The following ARID5B variants were observed in gnomAD, a reference collection of about 807,000 sequenced individuals.
ARID5B encodes the protein AT-rich interactive domain-containing protein 5B.
Under a neutral mutation model 97.2 loss-of-function variants are expected in ARID5B, and 13 were observed. The ratio of observed to expected loss-of-function variants is 0.13; its 90% confidence interval spans 0.09 to 0.21. The LOEUF is 0.21. Ranked by LOEUF, ARID5B falls within the 10% of genes least tolerant of loss-of-function variation. The probability of loss-of-function intolerance (pLI) is 1.00; values close to 1 mark genes in which losing one functional copy is unlikely to be tolerated. For missense variants in ARID5B, 1,210 were observed against 1,465.3 expected (o/e 0.83, Z 2.84); for synonymous variants, 556 against 570.3 (o/e 0.97, Z 0.36).
chr10:62,037,664 T>A (rs920875803), intron 4 of ARID5B, among the ~76,000 whole-genome samples: 2 of 152,198 alleles, frequency 1.3e-5, no homozygotes, highest in East Asian at 1.9e-4. Flanking sequence ...CCTTCTTTAT[T>A]ATTTTTCTTA....
At chr10:62,009,794 G>T (rs554755572) in intron 4 of ARID5B, among the ~76,000 whole-genome samples, 13 of 152,322 alleles carry the variant, frequency 8.5e-5, no homozygotes, top group African/African-American at 2.9e-4. Context: ...CAAACCGTAG[G>T]TGCCACCGGA....
At chr10:61,938,545 T>C (rs1406170674) in intron 2 of ARID5B, among the ~76,000 whole-genome samples, 3 of 152,186 alleles carry the variant, frequency 2.0e-5, no homozygotes, top group African/African-American at 7.2e-5. Flanking sequence ...AGCTATAAAA[T>C]GCATGACAAC....
At chr10:62,016,150 G>A (rs780108473) in intron 4 of ARID5B, among the ~76,000 whole-genome samples, 4 of 152,140 alleles carry the variant, frequency 2.6e-5, no homozygotes, top group Admixed American at 1.3e-4. Flanking sequence ...TACAACCCAC[G>A]GGCCATGTGC....
At chr10:62,057,027 A>G (rs527919186) in intron 5 of ARID5B, 90 bp from the exon 6 acceptor site, 1 of 1,262,736 alleles carries the variant, frequency 7.9e-7, no homozygotes, top group African/African-American at 1.5e-5. Context: ...GCACTCACTG[A>G]AAAGTGTTGC....
intron 4 of ARID5B, among the ~76,000 whole-genome samples, chr10:62,018,748 G>T (rs1025491224): frequency 6.6e-6 from 1 of 151,756 alleles, no homozygotes; most frequent in Non-Finnish European, 1.5e-5. Context: ...ATTAATGAAA[G>T]TTGGCTGGTT....
chr10:61,980,376 C>T (rs1209456673), intron 3 of ARID5B, among the ~76,000 whole-genome samples: 1 of 152,180 alleles, frequency 6.6e-6, no homozygotes, highest in Non-Finnish European at 1.5e-5. Flanking sequence ...CCTCCTTATG[C>T]TGCCTCTTCA....
At chr10:61,911,036 C>T (rs924425618) in intron 2 of ARID5B, among the ~76,000 whole-genome samples, 1 of 152,174 alleles carries the variant, frequency 6.6e-6, no homozygotes, top group Non-Finnish European at 1.5e-5. Context: ...TTTCTTTTCT[C>T]ATGACTCCAA....
At chr10:62,036,622 A>G (rs910535233) in intron 4 of ARID5B, among the ~76,000 whole-genome samples, 1 of 152,170 alleles carries the variant, frequency 6.6e-6, no homozygotes, top group Non-Finnish European at 1.5e-5. Context: ...GTCAGCTCCC[A>G]TTTGACTTTA....
In ARID5B at chr10:62,095,885, C is replaced by CAT. The variant is rs1452780431; in HGVS notation, c.*2857_*2858dup. ...TGTGGAATCGAATTGGCAGTGGAGT[C>CAT]ATAAATCTATTTACTGAGTGTGGCT... On this transcript the variant is annotated 3_prime_UTR_variant, in exon 10 of 10. Coordinates refer to ENST00000279873, the MANE Select transcript of ARID5B (RefSeq NM_032199.3). The CAT allele has an allele frequency of 8.7e-6, 2 of 230,514 alleles. No individual in the cohort carries two copies. The highest frequency in any genetic ancestry group is 4.4e-5 in the African/African-American group (2 of 45,160). The allele number at this position is 230,514 out of a possible 1,614,324, so 14.3% of individuals were successfully genotyped here. A position where few individuals can be genotyped will look rare whatever the true frequency, so the allele number is the denominator to read the frequency against.
chr10:62,066,816 C>T (rs747264382), intron 7 of ARID5B, among the ~76,000 whole-genome samples: 1 of 152,150 alleles, frequency 6.6e-6, no homozygotes, highest in Non-Finnish European at 1.5e-5. Context: ...TAAATATCCC[C>T]GGCTTTCTTG....
At position 61,902,143 on chromosome 10, in the gene ARID5B, T is replaced by TC. The variant is rs1564595701; in HGVS notation, c.22-16_22-15insC. ...TGGCTACATTATTTATTTGGTGTTT[T>TC]TTTCCCCCCCTGCAGTGGGTCGGCT... On this transcript the variant is annotated splice_polypyrimidine_tract_variant and intron_variant, in intron 1 of 9. Coordinates refer to ENST00000279873, the MANE Select transcript of ARID5B (RefSeq NM_032199.3). 1 of 1,610,546 alleles carries TC rather than the reference T, an allele frequency of 6.2e-7. No homozygotes were observed. Among genetic ancestry groups the TC allele is most frequent in the African/African-American group, 1.3e-5 (1 of 74,708 alleles).
intron 2 of ARID5B, among the ~76,000 whole-genome samples, chr10:61,918,238 G>C (rs974873253): frequency 6.6e-6 from 1 of 152,224 alleles, no homozygotes; most frequent in Non-Finnish European, 1.5e-5. Context: ...GCCTTGAAGA[G>C]TAGTTAAATG....
At chr10:62,054,675 AG>A (rs1418116604) in intron 5 of ARID5B, among the ~76,000 whole-genome samples, 1 of 152,214 alleles carries the variant, frequency 6.6e-6, no homozygotes, top group Non-Finnish European at 1.5e-5. Context: ...CTACACACCA[AG>A]GAGCTCAAAC....
chr10:62,050,847 C>A, intron 4 of ARID5B, 41 bp from the exon 5 acceptor site: 1 of 1,531,422 alleles, frequency 6.5e-7, no homozygotes. Flanking sequence ...GAAACCCATG[C>A]AAGTGAAAAT....
At chr10:62,014,703 A>G (rs1461770062) in intron 4 of ARID5B, among the ~76,000 whole-genome samples, 1 of 152,160 alleles carries the variant, frequency 6.6e-6, no homozygotes, top group Non-Finnish European at 1.5e-5. Context: ...GGAATGTCGG[A>G]CCGGTTTTTG....
intron 5 of ARID5B, among the ~76,000 whole-genome samples, chr10:62,056,019 T>G (rs1839852249): frequency 6.6e-6 from 1 of 152,208 alleles, no homozygotes; most frequent in South Asian, 2.1e-4. Context: ...AATATTGGAA[T>G]GTACACATTC....
intron 2 of ARID5B, among the ~76,000 whole-genome samples, chr10:61,905,966 G>C (rs1843700914): frequency 2.0e-5 from 3 of 152,116 alleles, no homozygotes; most frequent in Admixed American, 2.0e-4. Context: ...TGGTGTTGAG[G>C]AAAAGCATTC....
chr10:62,057,648 A>T (rs920101173), intron 6 of ARID5B, among the ~76,000 whole-genome samples: 2 of 152,186 alleles, frequency 1.3e-5, no homozygotes, highest in African/African-American at 4.8e-5. Flanking sequence ...AATATGACGT[A>T]GCTTTATCAG....
At chr10:62,028,149 G>A (rs1212462543) in intron 4 of ARID5B, among the ~76,000 whole-genome samples, 1 of 152,148 alleles carries the variant, frequency 6.6e-6, no homozygotes, top group Non-Finnish European at 1.5e-5. Context: ...ATGCTATTTG[G>A]TGCCCAAGAA....
Sources: gnomAD v4.1 joint callset for allele counts (sites outside exome capture counted in the v4.1 genomes callset) on GRCh38, gnomAD v4.1.1 for gene constraint, MANE v1.5 for transcripts, NCBI Gene and HGNC (gene_info 2026-07-23, HGNC 2026-07-21) for gene names.